Variants in POLI observed in about 807,000 individuals in gnomAD.
POLI encodes DNA polymerase iota.
POLI carries 58 observed loss-of-function variants against 51.6 expected under a neutral mutation model. That is an observed-to-expected ratio of 1.12 (90% CI 0.91 to 1.40). The LOEUF is 1.40. POLI is among the 40% of genes most tolerant of loss of function. The pLI is 0.00. For synonymous variants in POLI, 322 were observed against 299.7 expected (o/e 1.07, Z -0.77); for missense variants, 921 against 871.3 (o/e 1.06, Z -0.72).
chr18:54,270,806 G>T (rs986923523), intron 1 of POLI: 2 of 152,126 alleles, frequency 1.3e-5, no homozygotes, highest in Non-Finnish European at 2.9e-5. Context: ...ATTTATTGGT[G>T]GTCTGTTATG....
Position 54,316,584 on chromosome 18 carries a change from G to A in POLI, c.334-3689G>A, listed in dbSNP as rs574883309. 2.9e-4 allele frequency among the ~76,000 whole-genome samples: 44 copies of A among 152,194 alleles called. No individual in the cohort carries two copies. In the East Asian group the frequency reaches 5.2e-3, roughly 18 times the overall value. On this transcript the variant is annotated intron_variant, in intron 3 of 4. Coordinates refer to the POLI transcript ENST00000579823. ...GTTTTGTGGTGTTATTTCAGTAATA[G>A]ATAATAGCTATAAAAGTTGGTACAT...
At chr18:54,285,737 T>C (rs1020043944) in intron 7 of POLI, among the ~76,000 whole-genome samples, 2 of 152,142 alleles carry the variant, frequency 1.3e-5, no homozygotes, top group African/African-American at 4.8e-5. Flanking sequence ...AATTGCATAA[T>C]TAATATAACA....
intron 3 of POLI, among the ~76,000 whole-genome samples, chr18:54,316,547 G>A (rs974239101): frequency 2.6e-5 from 4 of 152,164 alleles, no homozygotes; most frequent in African/African-American, 7.2e-5. Context: ...AGAATAAAAT[G>A]TGTGGTTATT....
chr18:54,298,159 C>T lies in POLI; in HGVS notation c.*3692C>T, dbSNP rs2144623013. 1 of 544,264 alleles carries T rather than the reference C, an allele frequency of 1.8e-6. No homozygotes were observed. The highest frequency in any genetic ancestry group is 2.3e-6 in the Non-Finnish European group (1 of 427,062). 33.7% of individuals were successfully genotyped at this position (544,264 alleles called of 1,614,324 possible). A position where few individuals can be genotyped will look rare whatever the true frequency, so the allele number is the denominator to read the frequency against. ...ATCTGTATATAGAAAGGTACATAAA[C>T]ATAAATGAACATGTTAATGAGTAAT... On this transcript the variant is annotated 3_prime_UTR_variant, in exon 10 of 10. Coordinates refer to ENST00000579534, the MANE Select transcript of POLI (RefSeq NM_007195.3).
Position 54,298,054 on chromosome 18 carries a change from AG to A in POLI, c.*3589del. On this transcript the variant is annotated 3_prime_UTR_variant, in exon 10 of 10. Coordinates refer to ENST00000579534, the MANE Select transcript of POLI (RefSeq NM_007195.3). ...CTAGCTATAGATTTATCATGGATTTAGGTTCATTATGAATCTGCAGATTTGT... is the reference window on the plus strand; with the variant it reads ...CTAGCTATAGATTTATCATGGATTTAGTTCATTATGAATCTGCAGATTTGT... The A allele has an allele frequency of 1.0e-6, 1 of 971,068 alleles. No homozygotes were observed. The highest frequency in any genetic ancestry group is 1.2e-6 in the Non-Finnish European group (1 of 816,830). The allele number at this position is 971,068 out of a possible 1,614,324, so 60.2% of individuals were successfully genotyped here. A position where few individuals can be genotyped will look rare whatever the true frequency, so the allele number is the denominator to read the frequency against.
chr18:54,295,044 C>A lies in POLI; in HGVS notation c.*577C>A. On this transcript the variant is annotated 3_prime_UTR_variant, in exon 10 of 10. Transcript: ENST00000579534. ...CAATACACAGCACACAAAGGCCGTTCAATAAACATTGAATGAATGAATGGT... is the reference window on the plus strand; with the variant it reads ...CAATACACAGCACACAAAGGCCGTTAAATAAACATTGAATGAATGAATGGT... The A allele has an allele frequency of 1.0e-6, 1 of 985,156 alleles. No homozygotes were observed. 61.0% of individuals were successfully genotyped at this position (985,156 alleles called of 1,614,324 possible).
chr18:54,300,175 CT>C (rs973150344), downstream of POLI, among the ~76,000 whole-genome samples: 1 of 151,902 alleles, frequency 6.6e-6, no homozygotes, highest in Non-Finnish European at 1.5e-5. Context: ...TATTTAAAAG[CT>C]TTTTTTGTTT....
At chr18:54,274,185 T>A (rs1199888807) in intron 3 of POLI, 95 bp downstream of exon 3, 1 of 586,320 alleles carries the variant, frequency 1.7e-6, no homozygotes, top group Non-Finnish European at 2.6e-6. Flanking sequence ...ATAACATAAG[T>A]CAAGATGCTT....
At chr18:54,309,382 C>G (rs952965824) in intron 3 of POLI, among the ~76,000 whole-genome samples, 3 of 152,176 alleles carry the variant, frequency 2.0e-5, no homozygotes, top group African/African-American at 7.2e-5. Flanking sequence ...GGGGTCCACT[C>G]CAGACCCTGT....
exon 5 of POLI, chr18:54,321,073 TG>T (rs1274964708): frequency 2.0e-5 from 3 of 152,210 alleles, no homozygotes; most frequent in Non-Finnish European, 2.9e-5. Context: ...TAGATTCATG[TG>T]ACCACGCCAC....
rs1426508715 is a variant in POLI at position 54,294,469 on chromosome 18, C to T, written c.*2C>T. ...GATTTCCACATTGGACATAAATAAG[C>T]ATATTCAGCAAAAAGGTCTGAAAAG... On this transcript the variant is annotated 3_prime_UTR_variant, in exon 10 of 10. Coordinates refer to ENST00000579534, the MANE Select transcript of POLI (RefSeq NM_007195.3). The T allele has an allele frequency of 6.4e-7, 1 of 1,572,720 alleles. No homozygotes were observed. The highest frequency in any genetic ancestry group is 8.6e-7 in the Non-Finnish European group (1 of 1,163,702).
At chr18:54,288,511 AAATT>A (rs1256624755) in intron 8 of POLI, among the ~76,000 whole-genome samples, 2 of 152,198 alleles carry the variant, frequency 1.3e-5, no homozygotes, top group South Asian at 4.1e-4. Flanking sequence ...TCTTTGTCAA[AAATT>A]AATTGACCAT....
chr18:54,288,087 T>C (rs1439438953), intron 8 of POLI, among the ~76,000 whole-genome samples: 6 of 152,248 alleles, frequency 3.9e-5, no homozygotes, highest in Non-Finnish European at 8.8e-5. Context: ...TATGGTAACA[T>C]GAACTGTTTA....
intron 6 of POLI, 21 bp downstream of exon 6, chr18:54,283,036 T>A: frequency 2.8e-6 from 4 of 1,440,088 alleles, no homozygotes; most frequent in Non-Finnish European, 3.9e-6. Flanking sequence ...ATACTTATTT[T>A]AATTAAGTAC....
At chr18:54,283,388 T>A (rs962760721) in intron 6 of POLI, among the ~76,000 whole-genome samples, 1 of 152,178 alleles carries the variant, frequency 6.6e-6, no homozygotes, top group Non-Finnish European at 1.5e-5. Context: ...TTTTTTGCTA[T>A]GGGACAAGCA....
Position 54,294,291 on chromosome 18 carries a change from A to G in POLI, c.2047A>G (p.Thr683Ala), listed in dbSNP as rs2088184564. The G allele has an allele frequency of 6.2e-7, 1 of 1,613,628 alleles. No individual in the cohort carries two copies. The highest frequency in any genetic ancestry group is 1.7e-5 in the Admixed American group (1 of 59,992). The part of the protein sequence containing the change: ...TTDSHKQTVA[T>A]DSHEGLTENR... ...AGATAGCCATAAGCAAACAGTAGCA[A>G]CAGACTCTCATGAAGGACTTACAGA... The change falls in exon 10 of 10, where the codon ACA (threonine) becomes GCA (alanine). Residue 683 changes from threonine to alanine, a missense_variant. Physicochemically the swap from Thr to Ala is moderately conservative, Grantham distance 58. Coordinates refer to ENST00000579534, the MANE Select transcript of POLI (RefSeq NM_007195.3).
At position 54,296,391 on chromosome 18, in the gene POLI, A is replaced by T. The variant is rs1489544677; in HGVS notation, c.*1924A>T. Reference sequence around the variant, plus strand: ...AGTCTCAACATCTTTGGGCCTCAGAATCAACTTTTTTATGGGATCTTTTTT... The same window carrying T: ...AGTCTCAACATCTTTGGGCCTCAGATTCAACTTTTTTATGGGATCTTTTTT... On this transcript the variant is annotated 3_prime_UTR_variant, in exon 10 of 10. Transcript: ENST00000579534. The T allele has an allele frequency of 2.0e-6, 2 of 983,312 alleles. No individual in the cohort carries two copies. The highest frequency in any genetic ancestry group is 2.4e-6 in the Non-Finnish European group (2 of 828,010). 60.9% of individuals were successfully genotyped at this position (983,312 alleles called of 1,614,324 possible).
intron 3 of POLI, among the ~76,000 whole-genome samples, chr18:54,316,678 A>G (rs2088737672): frequency 6.6e-6 from 1 of 152,216 alleles, no homozygotes; most frequent in Non-Finnish European, 1.5e-5. Flanking sequence ...TAGAGGGCTC[A>G]GAAAACTGTT....
At chr18:54,271,045 A>C (rs2086981971) in intron 1 of POLI, 1 of 183,848 alleles carries the variant, frequency 5.4e-6, no homozygotes, top group East Asian at 1.4e-4. Flanking sequence ...TCTGGTTTAC[A>C]CTAAGAGCTA....
Sources: allele counts gnomAD v4.1 joint callset (sites outside exome capture counted in the v4.1 genomes callset), GRCh38; gene constraint gnomAD v4.1.1; transcripts MANE v1.5; gene names NCBI Gene and HGNC (gene_info 2026-07-23, HGNC 2026-07-21).